The following SLC27A6 variants were observed in gnomAD, a reference collection of about 807,000 sequenced individuals.
SLC27A6 encodes the protein solute carrier family 27 member 6, also known as long-chain fatty acid transport protein 6.
A neutral mutation model predicts 63.9 loss-of-function variants in SLC27A6; 74 were observed. That is an observed-to-expected ratio of 1.16 (90% CI 0.96 to 1.40). The LOEUF is 1.40. Among genes scored for constraint, SLC27A6 ranks in the 40% most tolerant of loss-of-function variants. The pLI, the probability that SLC27A6 is intolerant of heterozygous loss-of-function variation, is 0.00. For missense variants in SLC27A6, 794 were observed against 732.9 expected (o/e 1.08, Z -0.96); for synonymous variants, 287 against 260.8 (o/e 1.10, Z -0.97).
intron 4 of SLC27A6, among the ~76,000 whole-genome samples, chr5:128,990,801 A>C (rs1750952698): frequency 6.6e-6 from 1 of 152,210 alleles, no homozygotes; most frequent in African/African-American, 2.4e-5. Context: ...GATTAGGACG[A>C]ACCTGGGCAC....
At chr5:128,978,876 T>A (rs1750482517) in intron 1 of SLC27A6, among the ~76,000 whole-genome samples, 1 of 152,184 alleles carries the variant, frequency 6.6e-6, no homozygotes, top group Non-Finnish European at 1.5e-5. Flanking sequence ...TAAGTTTAAA[T>A]ATATTTAAAT....
chr5:128,990,592 A>C (rs1750945893), intron 4 of SLC27A6, 128 bp downstream of exon 4: 2 of 975,690 alleles, frequency 2.0e-6, no homozygotes, highest in African/African-American at 3.3e-5. Context: ...TAGAGCTTCC[A>C]AGATAGTGGC....
chr5:128,981,277 C>T (rs1580707793), intron 1 of SLC27A6, among the ~76,000 whole-genome samples: 1 of 151,920 alleles, frequency 6.6e-6, no homozygotes, highest in Non-Finnish European at 1.5e-5. Context: ...GTCAGGAGCT[C>T]GAGACCAGCC....
At chr5:128,985,372 C>G in intron 2 of SLC27A6, 36 bp downstream of exon 2, 4 of 1,582,290 alleles carry the variant, frequency 2.5e-6, no homozygotes, top group East Asian at 2.2e-5. Context: ...AAAATGAATG[C>G]GAGAAATTTG....
Position 129,016,016 on chromosome 5 carries a change from C to T in SLC27A6, c.1101C>T (p.Ser367=). 1.9e-6 allele frequency: 3 copies of T among 1,606,056 alleles called. No homozygotes were observed. Among genetic ancestry groups the T allele is most frequent in the Non-Finnish European group, 2.5e-6 (3 of 1,177,926 alleles). ...VCELYAATES[S]ISFMNYTGRI... ...AACTTTATGCAGCTACCGAATCAAG[C>T]ATATCTTTCATGAACTACACTGGGA... Residue 367 remains serine, a synonymous_variant, in exon 5 of 10, where the codon AGC becomes AGT. Transcript: ENST00000262462.
chr5:128,970,236 G>A (rs887604548), intron 1 of SLC27A6, among the ~76,000 whole-genome samples: 9 of 150,416 alleles, frequency 6.0e-5, no homozygotes, highest in Non-Finnish European at 7.4e-5. Context: ...TTTTTTTGTT[G>A]TGTCTCTGCC....
intron 9 of SLC27A6, among the ~76,000 whole-genome samples, chr5:129,031,412 A>G (rs897652101): frequency 3.3e-5 from 5 of 152,056 alleles, no homozygotes; most frequent in Admixed American, 6.6e-5. Flanking sequence ...ATTCACAAAA[A>G]TATAATATTC....
At position 129,033,288 on chromosome 5, in the gene SLC27A6, T is replaced by C. The variant is rs1481897526; in HGVS notation, c.*6T>C. The C allele has an allele frequency of 6.6e-7, 1 of 1,520,370 alleles. No individual in the cohort carries two copies. The highest frequency in any genetic ancestry group is 8.9e-7 in the Non-Finnish European group (1 of 1,118,738). The allele number at this position is 1,520,370 out of a possible 1,614,324, so 94.2% of individuals were successfully genotyped here. The stretch of plus-strand genomic sequence containing the variant: ...TAGGGGAAATAAAACTTTAAGATTT[T>C]TATATCTAGAACTTTCATATGCTTT... On this transcript the variant is annotated 3_prime_UTR_variant, in exon 10 of 10. Transcript: ENST00000262462.
chr5:129,028,227 A>T, intron 7 of SLC27A6, 118 bp from the exon 8 acceptor site: 1 of 630,032 alleles, frequency 1.6e-6, no homozygotes, highest in Middle Eastern at 2.5e-4. Flanking sequence ...TGAAAACTAC[A>T]ATTATGTTGG....
chr5:129,022,609 C>T (rs1030913853), intron 5 of SLC27A6, among the ~76,000 whole-genome samples: 1 of 151,830 alleles, frequency 6.6e-6, no homozygotes, highest in Non-Finnish European at 1.5e-5. Context: ...GTTAGTTTAC[C>T]ATTTTCTAAC....
chr5:128,975,859 A>G (rs1308684495), intron 1 of SLC27A6, among the ~76,000 whole-genome samples: 1 of 152,168 alleles, frequency 6.6e-6, no homozygotes, highest in Non-Finnish European at 1.5e-5. Context: ...AGATATTATA[A>G]ATAAAAACCC....
At chr5:128,982,225 C>G (rs1561613811) in intron 1 of SLC27A6, among the ~76,000 whole-genome samples, 1 of 152,124 alleles carries the variant, frequency 6.6e-6, no homozygotes, top group Non-Finnish European at 1.5e-5. Flanking sequence ...TATCCTCACC[C>G]ACATTTCCTA....
At chr5:128,968,621 T>C (rs945523623) in intron 1 of SLC27A6, among the ~76,000 whole-genome samples, 9 of 152,234 alleles carry the variant, frequency 5.9e-5, no homozygotes, top group Non-Finnish European at 1.3e-4. Flanking sequence ...TTGATTTTTT[T>C]CTTGTAAATT....
chr5:129,013,326 A>T (rs957265521), intron 4 of SLC27A6, among the ~76,000 whole-genome samples: 2 of 152,142 alleles, frequency 1.3e-5, no homozygotes, highest in African/African-American at 4.8e-5. Flanking sequence ...TTAGTGTTCC[A>T]TCTGTACCGT....
At position 128,966,450 on chromosome 5, in the gene SLC27A6, G is replaced by A. The variant is rs1749899723; in HGVS notation, c.313G>A (p.Gly105Arg). The change falls in exon 1 of 10, where the codon GGG becomes AGG. Residue 105 changes from glycine (G) to arginine (R), a missense_variant. Transcript: ENST00000262462. ...CCTGAACCATTCCTCTCTGAAAAAG[G>A]GGGACACGGTGGCTCTGCTGATGAG... ...VFLNHSSLKKGDTVALLMSNE... is the reference protein window; with the variant it reads ...VFLNHSSLKKRDTVALLMSNE... The A allele has an allele frequency of 6.2e-7, 1 of 1,607,038 alleles. No individual in the cohort carries two copies. Among genetic ancestry groups the A allele is most frequent in the South Asian group, 1.1e-5 (1 of 89,586 alleles).
intron 4 of SLC27A6, among the ~76,000 whole-genome samples, chr5:129,011,937 C>T (rs963742523): frequency 1.6e-4 from 25 of 151,810 alleles, no homozygotes; most frequent in Non-Finnish European, 2.9e-5. Flanking sequence ...AGCCTGTTTG[C>T]CACACAAATA....
chr5:129,013,335 G>T (rs1479650784), intron 4 of SLC27A6, among the ~76,000 whole-genome samples: 2 of 151,874 alleles, frequency 1.3e-5, no homozygotes, highest in South Asian at 2.1e-4. Flanking sequence ...CATCTGTACC[G>T]TTCTACTAAA....
chr5:128,978,271 TTG>T (rs1750460536), intron 1 of SLC27A6, among the ~76,000 whole-genome samples: 1 of 152,198 alleles, frequency 6.6e-6, no homozygotes, highest in African/African-American at 2.4e-5. Context: ...CAAAGTGGAA[TTG>T]ACAGTCTCAG....
chr5:129,027,356 G>A, intron 7 of SLC27A6, 25 bp downstream of exon 7: 3 of 1,534,664 alleles, frequency 2.0e-6, no homozygotes, highest in Non-Finnish European at 2.7e-6. Flanking sequence ...GGGATCCATA[G>A]CTTGTTCTGT....
Sources: allele counts gnomAD v4.1 joint callset (sites outside exome capture counted in the v4.1 genomes callset), GRCh38; gene constraint gnomAD v4.1.1; transcripts MANE v1.5; gene names NCBI Gene and HGNC (gene_info 2026-07-23, HGNC 2026-07-21).